Variants in COMMD10 observed in about 807,000 individuals in gnomAD.
The protein encoded by COMMD10 is COMM domain-containing protein 10.
A neutral mutation model predicts 28.9 loss-of-function variants in COMMD10; 33 were observed. That is an observed-to-expected ratio of 1.14 (90% CI 0.87 to 1.53). The LOEUF is 1.53. Among genes scored for constraint, COMMD10 ranks in the 40% most tolerant of loss-of-function variants. The probability of loss-of-function intolerance (pLI) is 0.00; values close to 1 mark genes in which losing one functional copy is unlikely to be tolerated. For synonymous variants in COMMD10, 110 were observed against 81.7 expected (o/e 1.35, Z -1.87); for missense variants, 310 against 233.4 (o/e 1.33, Z -2.14).
chr5:116,192,677 A>G (rs1464935651), intron 5 of COMMD10, among the ~76,000 whole-genome samples: 1 of 152,222 alleles, frequency 6.6e-6, no homozygotes, highest in Non-Finnish European at 1.5e-5. Context: ...ATGTTAAACA[A>G]CAAACCTAAG....
chr5:116,251,431 A>C (rs1248488187), intron 5 of COMMD10, among the ~76,000 whole-genome samples: 2 of 121,014 alleles, frequency 1.7e-5, no homozygotes, highest in African/African-American at 3.0e-5. Flanking sequence ...TCCCAATGCT[A>C]TCCCTCCCCC....
intron 5 of COMMD10, among the ~76,000 whole-genome samples, chr5:116,246,722 AAAGC>A (rs1203268772): frequency 1.3e-5 from 2 of 152,198 alleles, no homozygotes; most frequent in Non-Finnish European, 2.9e-5. Context: ...AAACCTGACA[AAAGC>A]AAGCAATGGG....
intron 5 of COMMD10, among the ~76,000 whole-genome samples, chr5:116,246,498 C>T (rs984728601): frequency 1.3e-5 from 2 of 151,536 alleles, no homozygotes; most frequent in Non-Finnish European, 2.9e-5. Context: ...TCTTAAAGTT[C>T]ATCTGGAACC....
chr5:116,095,701 A>T (rs1750448109), intron 4 of COMMD10, among the ~76,000 whole-genome samples: 1 of 152,062 alleles, frequency 6.6e-6, no homozygotes. Context: ...TTTGCAGCCT[A>T]ATCATGACAT....
intron 4 of COMMD10, among the ~76,000 whole-genome samples, chr5:116,098,187 C>A (rs1003247908): frequency 2.0e-5 from 3 of 152,152 alleles, no homozygotes; most frequent in Admixed American, 6.6e-5. Flanking sequence ...TGCTATCTTT[C>A]TTTTTCATTC....
chr5:116,288,299 C>A, intron 5 of COMMD10, among the ~76,000 whole-genome samples: 1 of 151,788 alleles, frequency 6.6e-6, no homozygotes. Flanking sequence ...AAAGTTTCTG[C>A]TGAGAAATTT....
Position 116,268,036 on chromosome 5 carries a change from T to C in COMMD10, c.511-23481T>C, listed in dbSNP as rs955929921. Reference sequence around the variant, plus strand: ...GGCAATACCATTCAGGACATAGGCATGGGCAAGGACTTCATGTCTAAAACA... The same window carrying C: ...GGCAATACCATTCAGGACATAGGCACGGGCAAGGACTTCATGTCTAAAACA... On this transcript the variant is annotated intron_variant, in intron 5 of 6. Transcript: ENST00000274458. Among the ~76,000 whole-genome samples the C allele has an allele frequency of 1.8e-4, 28 of 151,908 alleles. No individual in the cohort carries two copies. The East Asian group carries it at 2.3e-3, about 13-fold the overall frequency.
chr5:116,206,738 G>C (rs1748823696), intron 5 of COMMD10, among the ~76,000 whole-genome samples: 1 of 152,066 alleles, frequency 6.6e-6, no homozygotes, highest in African/African-American at 2.4e-5. Context: ...GAATATAATT[G>C]GTGAAATAAA....
chr5:116,281,141 A>G (rs1751057945), intron 5 of COMMD10, among the ~76,000 whole-genome samples: 1 of 151,782 alleles, frequency 6.6e-6, no homozygotes, highest in Admixed American at 6.6e-5. Context: ...TACCTAGTTT[A>G]TATCTGTATT....
intron 4 of COMMD10, among the ~76,000 whole-genome samples, chr5:116,127,782 G>A (rs901222788): frequency 1.3e-5 from 2 of 152,106 alleles, no homozygotes; most frequent in African/African-American, 4.8e-5. Flanking sequence ...GTCTTGTGGT[G>A]GGGGGAAGGA....
At chr5:116,263,784 C>G (rs1485977722) in intron 5 of COMMD10, among the ~76,000 whole-genome samples, 1 of 151,756 alleles carries the variant, frequency 6.6e-6, no homozygotes, top group African/African-American at 2.4e-5. Context: ...TCCTGCCTTT[C>G]TGAACCAAAC....
chr5:116,092,452 T>C, intron 3 of COMMD10, 93 bp from the exon 4 acceptor site: 1 of 876,868 alleles, frequency 1.1e-6, no homozygotes, highest in Non-Finnish European at 1.6e-6. Flanking sequence ...TCTTTTGACT[T>C]AAGTCATTTA....
intron 5 of COMMD10, among the ~76,000 whole-genome samples, chr5:116,202,962 A>G (rs1393636691): frequency 4.6e-5 from 7 of 152,066 alleles, no homozygotes; most frequent in East Asian, 3.9e-4. Flanking sequence ...GGCCTTGCCC[A>G]TGCCTATGTC....
chr5:116,161,648 A>G (rs552616596), intron 5 of COMMD10, among the ~76,000 whole-genome samples: 1 of 152,306 alleles, frequency 6.6e-6, no homozygotes, highest in South Asian at 2.1e-4. Flanking sequence ...TATTAAGAAA[A>G]TCATAAGGAA....
intron 4 of COMMD10, among the ~76,000 whole-genome samples, chr5:116,129,872 A>C (rs1011185168): frequency 6.7e-6 from 1 of 148,482 alleles, no homozygotes; most frequent in Admixed American, 6.8e-5. Context: ...ATAGCTATTA[A>C]GTATTAGTTT....
intron 5 of COMMD10, among the ~76,000 whole-genome samples, chr5:116,143,494 A>C (rs1752255281): frequency 6.6e-6 from 1 of 151,810 alleles, no homozygotes; most frequent in Admixed American, 6.6e-5. Context: ...GGGATTCCAT[A>C]GTAAAGAAAC....
intron 5 of COMMD10, among the ~76,000 whole-genome samples, chr5:116,268,003 A>G (rs1444575237): frequency 1.3e-5 from 2 of 151,872 alleles, no homozygotes; most frequent in East Asian, 1.9e-4. Flanking sequence ...ACCCTAGAAG[A>G]AAACCTAGGC....
At position 116,292,712 on chromosome 5, in the gene COMMD10, A is replaced by C. The variant is rs1034074520; in HGVS notation, c.*223A>C. The stretch of plus-strand genomic sequence containing the variant: ...TTCTGTGAGCCAACAGTAATTATTA[A>C]GAACACTTTCCCTTTAAAGGAAACA... On this transcript the variant is annotated 3_prime_UTR_variant, in exon 7 of 7. Coordinates refer to ENST00000274458, the MANE Select transcript of COMMD10 (RefSeq NM_016144.4). The C allele has an allele frequency of 2.4e-6, 1 of 416,950 alleles. No individual in the cohort carries two copies. The highest frequency in any genetic ancestry group is 4.2e-6 in the Non-Finnish European group (1 of 235,526). 25.8% of individuals were successfully genotyped at this position (416,950 alleles called of 1,614,324 possible). A position where few individuals can be genotyped will look rare whatever the true frequency, so the allele number is the denominator to read the frequency against.
At chr5:116,213,303 T>A (rs1212116021) in intron 5 of COMMD10, among the ~76,000 whole-genome samples, 1 of 152,178 alleles carries the variant, frequency 6.6e-6, no homozygotes, top group Non-Finnish European at 1.5e-5. Context: ...CTAGGCTCCC[T>A]TGCTAGTTGA....
Sources: allele counts gnomAD v4.1 joint callset (sites outside exome capture counted in the v4.1 genomes callset), GRCh38; gene constraint gnomAD v4.1.1; transcripts MANE v1.5; gene names NCBI Gene and HGNC (gene_info 2026-07-23, HGNC 2026-07-21).